The following UBE2E2 variants were observed in gnomAD, a reference collection of about 807,000 sequenced individuals.
UBE2E2 encodes ubiquitin-conjugating enzyme E2 E2.
Under a neutral mutation model 24.7 loss-of-function variants are expected in UBE2E2, and 6 were observed. The ratio of observed to expected loss-of-function variants is 0.24; its 90% confidence interval spans 0.13 to 0.48. The LOEUF (loss-of-function observed/expected upper bound fraction) is 0.48, where lower values mean the gene tolerates loss of function less well. UBE2E2 is among the 20% of genes least tolerant of loss of function. The pLI, the probability that UBE2E2 is intolerant of heterozygous loss-of-function variation, is 0.99. For missense variants in UBE2E2, 169 were observed against 245.0 expected, an observed-to-expected ratio of 0.69 and a Z score of 2.07; for synonymous variants, 104 against 83.6, an observed-to-expected ratio of 1.24 and a Z score of -1.33.
rs757393268 is a variant in UBE2E2, at chr3:23,228,982, T to A, written c.227+11670T>A. On this transcript the variant is annotated intron_variant, in intron 3 of 5. Transcript: ENST00000396703. ...AGATTTCTGCCTGAGTATCGACCAT[T>A]TTTCCTCCACCTTGAATCCAGCATC... Among the ~76,000 whole-genome samples, 3 of 82,958 alleles carry A rather than the reference T, an allele frequency of 3.6e-5. No individual in the cohort carries two copies. In the South Asian group the frequency reaches 1.2e-3, roughly 33 times the overall value. The allele number at this position is 82,958 out of a possible 152,430, so 54.4% of individuals were successfully genotyped here.
At chr3:23,262,145 T>C (rs1030837755) in intron 3 of UBE2E2, among the ~76,000 whole-genome samples, 1 of 152,226 alleles carries the variant, frequency 6.6e-6, no homozygotes, top group South Asian at 2.1e-4. Flanking sequence ...TCTTGTCCTT[T>C]TCATAATGGC....
intron 3 of UBE2E2, among the ~76,000 whole-genome samples, chr3:23,288,815 A>G (rs1219963239): frequency 6.6e-6 from 1 of 152,196 alleles, no homozygotes; most frequent in African/African-American, 2.4e-5. Context: ...CATAACGTCT[A>G]GAAATATTTT....
chr3:23,260,749 C>T (rs1697873331), intron 3 of UBE2E2, among the ~76,000 whole-genome samples: 1 of 152,110 alleles, frequency 6.6e-6, no homozygotes, highest in Admixed American at 6.5e-5. Flanking sequence ...GCTGTGTTTG[C>T]ACCTTGGCAG....
chr3:23,310,346 A>T (rs1439321630), intron 3 of UBE2E2, among the ~76,000 whole-genome samples: 2 of 140,124 alleles, frequency 1.4e-5, no homozygotes, highest in Non-Finnish European at 3.1e-5. Context: ...GGTATTTTTG[A>T]GTTGGATATC....
At chr3:23,246,626 C>T (rs1697413801) in intron 3 of UBE2E2, among the ~76,000 whole-genome samples, 1 of 152,018 alleles carries the variant, frequency 6.6e-6, no homozygotes, top group African/African-American at 2.4e-5. Context: ...TCAAACAGTC[C>T]TCCTGCCTCA....
At chr3:23,470,340 C>T (rs922174304) in intron 3 of UBE2E2, among the ~76,000 whole-genome samples, 4 of 152,184 alleles carry the variant, frequency 2.6e-5, no homozygotes, top group African/African-American at 9.7e-5. Context: ...CGGGGTTTGA[C>T]AGACAGGTCT....
chr3:23,473,871 A>G (rs1019550241), intron 3 of UBE2E2, among the ~76,000 whole-genome samples: 1 of 152,078 alleles, frequency 6.6e-6, no homozygotes, highest in African/African-American at 2.4e-5. Context: ...ACATGCATGT[A>G]CAAGTACCTT....
intron 3 of UBE2E2, among the ~76,000 whole-genome samples, chr3:23,373,936 C>T (rs1326498416): frequency 6.6e-6 from 1 of 152,032 alleles, no homozygotes; most frequent in Non-Finnish European, 1.5e-5. Flanking sequence ...TTAAAAATAT[C>T]GTAAATGCAA....
chr3:23,535,736 C>A (rs1218084850), intron 5 of UBE2E2, among the ~76,000 whole-genome samples: 1 of 150,070 alleles, frequency 6.7e-6, no homozygotes, highest in Non-Finnish European at 1.5e-5. Context: ...GATTCTCCTG[C>A]CTCAGCCTCC....
intron 3 of UBE2E2, among the ~76,000 whole-genome samples, chr3:23,286,317 G>A (rs1698613616): frequency 6.6e-6 from 1 of 152,084 alleles, no homozygotes; most frequent in South Asian, 2.1e-4. Flanking sequence ...ATTTTGATTT[G>A]AGTTTTGTAT....
At chr3:23,434,323 G>GATTT (rs1245957920) in intron 3 of UBE2E2, among the ~76,000 whole-genome samples, 2 of 152,044 alleles carry the variant, frequency 1.3e-5, no homozygotes, top group East Asian at 3.8e-4. Context: ...CCTGGATTGT[G>GATTT]ATTTATCTCT....
chr3:23,356,158 G>T (rs567146622), intron 3 of UBE2E2, among the ~76,000 whole-genome samples: 1 of 152,194 alleles, frequency 6.6e-6, no homozygotes, highest in Admixed American at 6.5e-5. Flanking sequence ...AAGCAGTCTG[G>T]ACCTTACTCA....
rs1697398372 is a variant in UBE2E2, at chr3:23,407,686, TGTGTA to T, written c.228-91919_228-91915del. ...GTGTGTGTGTGTGTGTGTGTGTGTG[TGTGTA>T]GTATTTCAGAGAAAATCCCAGGCTT... On this transcript the variant is annotated intron_variant, in intron 3 of 5. Transcript: ENST00000396703. The surrounding 1 kb of genome is among the most constrained non-coding windows in gnomAD (Gnocchi z 4.0). Among the ~76,000 whole-genome samples the T allele has an allele frequency of 6.9e-6, 1 of 145,242 alleles. No individual in the cohort carries two copies. Among genetic ancestry groups the T allele is most frequent in the Non-Finnish European group, 1.5e-5 (1 of 66,058 alleles).
chr3:23,356,928 C>G (rs1695971507), intron 3 of UBE2E2, among the ~76,000 whole-genome samples: 1 of 152,228 alleles, frequency 6.6e-6, no homozygotes, highest in African/African-American at 2.4e-5. Context: ...TTTCTCCTCA[C>G]ACAGATACAC....
intron 2 of UBE2E2, among the ~76,000 whole-genome samples, chr3:23,216,590 A>G (rs1187860085): frequency 1.3e-5 from 2 of 152,164 alleles, no homozygotes. Flanking sequence ...ACAGTGGCGC[A>G]CTTTCAGCCT....
intron 3 of UBE2E2, among the ~76,000 whole-genome samples, chr3:23,476,790 C>T (rs1022765876): frequency 3.3e-5 from 5 of 152,088 alleles, no homozygotes; most frequent in Non-Finnish European, 7.4e-5. Flanking sequence ...TTTGTTATTT[C>T]CATTCTTTCT....
In UBE2E2 at chr3:23,407,556, A is replaced by G. The variant is rs1264469827; in HGVS notation, c.228-92052A>G. On this transcript the variant is annotated intron_variant, in intron 3 of 5. Transcript: ENST00000396703. The surrounding 1 kb of genome is among the most constrained non-coding windows in gnomAD (Gnocchi z 4.0). ...ACCGTCAACATTTGCTACATCCTTT[A>G]TCTCCTCTGCGCCCCTCCCTCTACT... Among the ~76,000 whole-genome samples, 1 of 147,714 alleles carries G rather than the reference A, an allele frequency of 6.8e-6. No individual in the cohort carries two copies. The highest frequency in any genetic ancestry group is 1.5e-5 in the Non-Finnish European group (1 of 67,386).
chr3:23,204,992 T>C (rs1440181075), intron 1 of UBE2E2, among the ~76,000 whole-genome samples: 4 of 152,224 alleles, frequency 2.6e-5, no homozygotes, highest in African/African-American at 9.6e-5. Flanking sequence ...TAGTCAGTAA[T>C]ATTTCAAGCC....
At chr3:23,575,257 A>T (rs1415602593) in intron 5 of UBE2E2, among the ~76,000 whole-genome samples, 1 of 151,738 alleles carries the variant, frequency 6.6e-6, no homozygotes, top group East Asian at 1.9e-4. Flanking sequence ...CAGTATTCAG[A>T]TACTAACAGT....
Sources: allele counts gnomAD v4.1 joint callset (sites outside exome capture counted in the v4.1 genomes callset), GRCh38; gene constraint gnomAD v4.1.1; non-coding constraint Gnocchi (gnomAD v3.1); transcripts MANE v1.5; gene names NCBI Gene and HGNC (gene_info 2026-07-23, HGNC 2026-07-21).